The following UNC45B variants were observed in gnomAD, a reference collection of about 807,000 sequenced individuals.
UNC45B encodes protein unc-45 homolog B.
In UNC45B, 78 loss-of-function variants were observed where a neutral mutation model predicts 98.7. The ratio of observed to expected loss-of-function variants is 0.79; its 90% CI spans 0.66 to 0.95. UNC45B has a LOEUF of 0.95. Ranked by LOEUF, UNC45B falls within the 40% of genes least tolerant of loss-of-function variation. UNC45B has a pLI of 0.00. For synonymous variants in UNC45B, 462 were observed against 480.4 expected (o/e 0.96, Z 0.50); for missense variants, 1,225 against 1,184.9 (o/e 1.03, Z -0.50).
Position 35,150,143 on chromosome 17 carries a change from C to A in UNC45B, c.301C>A (p.Gln101Lys), listed in dbSNP as rs1301847971. The change falls in exon 4 of 20, where the codon CAG (glutamine) becomes AAG (lysine). Residue 101 changes from glutamine to lysine, a missense_variant. Gln to Lys is a moderately conservative substitution (Grantham distance 53). Transcript: ENST00000394570. ...GCTGGACCAGGCCTTCAAAGACGTGCAGCGTTGTGCCACCCTCGAGCCACG... is the reference window on the plus strand; with the variant it reads ...GCTGGACCAGGCCTTCAAAGACGTGAAGCGTTGTGCCACCCTCGAGCCACG... ...GKLDQAFKDV[Q>K]RCATLEPRNQ... 1 of 1,613,844 alleles carries A rather than the reference C, an allele frequency of 6.2e-7. No homozygotes were observed. Among genetic ancestry groups the A allele is most frequent in the East Asian group, 2.2e-5 (1 of 44,824 alleles).
Position 35,154,805 on chromosome 17 carries a change from C to T in UNC45B, c.639+64C>T, listed in dbSNP as rs1011839901. 6.9e-5 allele frequency: 103 copies of T among 1,482,544 alleles called. No individual in the cohort carries two copies. In the Middle Eastern group the frequency reaches 7.4e-4, roughly 11 times the overall value. 91.8% of individuals were successfully genotyped at this position (1,482,544 alleles called of 1,614,324 possible). A position where few individuals can be genotyped will look rare whatever the true frequency, so the allele number is the denominator to read the frequency against. Reference sequence around the variant, plus strand: ...GCTGGTCCAAGGATCCGGAGGGTGACGTGTGGTCAGGGCTGTGGCTGGCAT... The same window carrying T: ...GCTGGTCCAAGGATCCGGAGGGTGATGTGTGGTCAGGGCTGTGGCTGGCAT... On this transcript the variant is annotated intron_variant, in intron 6 of 19. Coordinates refer to ENST00000394570, the MANE Select transcript of UNC45B (RefSeq NM_001267052.2).
At chr17:35,161,784 A>T (rs1043434138) in intron 8 of UNC45B, among the ~76,000 whole-genome samples, 2 of 152,070 alleles carry the variant, frequency 1.3e-5, no homozygotes, top group Non-Finnish European at 2.9e-5. Context: ...ACAACCATGC[A>T]ATTACAGGAT....
At chr17:35,148,874 C>T in intron 2 of UNC45B, 99 bp from the exon 3 acceptor site, 1 of 1,462,008 alleles carries the variant, frequency 6.8e-7, no homozygotes, top group African/African-American at 1.4e-5. Context: ...CCTGCAGCTC[C>T]CCCAGGAAAC....
At chr17:35,161,099 G>A (rs546242910) in intron 8 of UNC45B, among the ~76,000 whole-genome samples, 1 of 152,278 alleles carries the variant, frequency 6.6e-6, no homozygotes, top group Non-Finnish European at 1.5e-5. Flanking sequence ...CTCCACATAT[G>A]TCATGAAACG....
chr17:35,175,824 G>T, intron 14 of UNC45B, 144 bp from the exon 15 acceptor site: 1 of 705,650 alleles, frequency 1.4e-6, no homozygotes, highest in Non-Finnish European at 2.4e-6. Context: ...TTAATTCTGG[G>T]GCACAGGCAC....
Position 35,159,459 on chromosome 17 carries a change from A to G in UNC45B, c.893A>G (p.Gln298Arg). 1 of 1,614,182 alleles carries G rather than the reference A, an allele frequency of 6.2e-7. No homozygotes were observed. The highest frequency in any genetic ancestry group is 1.1e-5 in the South Asian group (1 of 91,070). ...AAGGTGTCTGGCCAGGGCAGGGATC[A>G]GGCGCTGAACCTGCTCAATAAGAAT... ...SKKVSGQGRD[Q>R]ALNLLNKNVP... Residue 298 changes from glutamine (Q) to arginine (R), a missense_variant, in exon 8 of 20, where the codon CAG becomes CGG. By Grantham distance (43) the Gln-to-Arg change is conservative (BLOSUM62 1). Coordinates refer to ENST00000394570, the MANE Select transcript of UNC45B (RefSeq NM_001267052.2).
Position 35,177,064 on chromosome 17 carries a change from G to T in UNC45B, c.2073G>T (p.Lys691Asn). The stretch of plus-strand genomic sequence containing the variant: ...AGGGCACAGATGTGGGCAAGGTGAA[G>T]GCAGCCCACGCTCTAGCAAAGATCG... ...ALEGTDVGKV[K>N]AAHALAKIAA... Residue 691 changes from lysine (K) to asparagine (N), a missense_variant, in exon 16 of 20, where the codon AAG (lysine) becomes AAT (asparagine). Physicochemically the swap from Lys to Asn is moderately conservative, Grantham distance 94. Transcript: ENST00000394570. 6.2e-7 allele frequency: 1 copy of T among 1,614,222 alleles called. No individual in the cohort carries two copies. Among genetic ancestry groups the T allele is most frequent in the Non-Finnish European group, 8.5e-7 (1 of 1,180,040 alleles).
chr17:35,186,641 C>T lies in UNC45B; in HGVS notation c.*82C>T. ...GTTGGGTTCTCCTGAAGAGTCAGGT[C>T]ATCTAGGGATCATAGCAGTGACAAT... On this transcript the variant is annotated 3_prime_UTR_variant, in exon 20 of 20. Transcript: ENST00000394570. The T allele has an allele frequency of 6.7e-7, 1 of 1,487,960 alleles. No individual in the cohort carries two copies. Among genetic ancestry groups the T allele is most frequent in the Non-Finnish European group, 9.2e-7 (1 of 1,088,630 alleles). The allele number at this position is 1,487,960 out of a possible 1,614,324, so 92.2% of individuals were successfully genotyped here.
intron 2 of UNC45B, 88 bp from the exon 3 acceptor site, chr17:35,148,885 C>A: frequency 2.6e-6 from 4 of 1,534,918 alleles, no homozygotes; most frequent in South Asian, 2.3e-5. Flanking sequence ...CCCAGGAAAC[C>A]CTCTCCCCAC....
chr17:35,155,512 G>A (rs748435230), intron 7 of UNC45B, 48 bp downstream of exon 7: 3 of 1,589,894 alleles, frequency 1.9e-6, no homozygotes, highest in African/African-American at 1.3e-5. Context: ...GGAAAGAAAA[G>A]GTCAGTTGCT....
intron 17 of UNC45B, among the ~76,000 whole-genome samples, chr17:35,178,110 A>G (rs2092248903): frequency 6.6e-6 from 1 of 151,938 alleles, no homozygotes; most frequent in Non-Finnish European, 1.5e-5. Context: ...ATGTTGGCCA[A>G]GCTGGTCTCA....
intron 9 of UNC45B, among the ~76,000 whole-genome samples, chr17:35,164,984 T>C (rs952052109): frequency 2.0e-5 from 3 of 151,998 alleles, no homozygotes; most frequent in Non-Finnish European, 2.9e-5. Flanking sequence ...TCCTCCTGCC[T>C]CTGCCTCAGC....
At chr17:35,161,723 A>G (rs1481219849) in intron 8 of UNC45B, among the ~76,000 whole-genome samples, 3 of 152,172 alleles carry the variant, frequency 2.0e-5, no homozygotes, top group Admixed American at 2.0e-4. Flanking sequence ...GGTGGCTGGG[A>G]TCCCCTAGAT....
At chr17:35,156,210 G>T (rs2092060250) in intron 7 of UNC45B, among the ~76,000 whole-genome samples, 3 of 152,162 alleles carry the variant, frequency 2.0e-5, no homozygotes, top group South Asian at 2.1e-4. Flanking sequence ...GAAATGGCGG[G>T]TTATTTTCTA....
At position 35,189,233 on chromosome 17, in the gene UNC45B, A is replaced by G. The variant is rs1392104943; in HGVS notation, c.*2674A>G. 1.3e-5 allele frequency: 2 copies of G among 152,232 alleles called. No individual in the cohort carries two copies. Among genetic ancestry groups the G allele is most frequent in the Admixed American group, 1.3e-4 (2 of 15,284 alleles). 9.4% of individuals were successfully genotyped at this position (152,232 alleles called of 1,614,324 possible). Reference sequence around the variant, plus strand: ...ATCCTTTGCCATTTGAGAAGCATACAGTTTTAAAGTTTATATCTCCAAAAG... The same window carrying G: ...ATCCTTTGCCATTTGAGAAGCATACGGTTTTAAAGTTTATATCTCCAAAAG... On this transcript the variant is annotated 3_prime_UTR_variant, in exon 20 of 20. Coordinates refer to ENST00000394570, the MANE Select transcript of UNC45B (RefSeq NM_001267052.2).
At chr17:35,159,746 G>T (rs1597912597) in intron 8 of UNC45B, among the ~76,000 whole-genome samples, 1 of 152,144 alleles carries the variant, frequency 6.6e-6, no homozygotes, top group Non-Finnish European at 1.5e-5. Flanking sequence ...GCCTGAACAT[G>T]CCCAGGAAGT....
At chr17:35,149,997 G>T in intron 3 of UNC45B, 51 bp from the exon 4 acceptor site, 1 of 1,518,442 alleles carries the variant, frequency 6.6e-7, no homozygotes, top group South Asian at 1.3e-5. Flanking sequence ...TGGGGCTGGT[G>T]GTCTGTAGTC....
chr17:35,177,460 C>G (rs2092242695), intron 16 of UNC45B, 35 bp from the exon 17 acceptor site: 1 of 1,509,070 alleles, frequency 6.6e-7, no homozygotes, highest in African/African-American at 1.4e-5. Flanking sequence ...GAACAAAGTC[C>G]TCACCTGACC....
At chr17:35,168,610 A>G (rs1289978872) in intron 10 of UNC45B, among the ~76,000 whole-genome samples, 2 of 152,146 alleles carry the variant, frequency 1.3e-5, no homozygotes, top group Non-Finnish European at 1.5e-5. Flanking sequence ...CAACATGAAC[A>G]CTGAGGAGCT....
Sources: gnomAD v4.1 joint callset for allele counts (sites outside exome capture counted in the v4.1 genomes callset) on GRCh38, gnomAD v4.1.1 for gene constraint, MANE v1.5 for transcripts, NCBI Gene and HGNC (gene_info 2026-07-23, HGNC 2026-07-21) for gene names.